The following BTAF1 variants were observed in gnomAD, a reference collection of about 807,000 sequenced individuals.
BTAF1 encodes the protein TATA-binding protein-associated factor 172.
BTAF1 carries 38 observed loss-of-function variants against 227.1 expected under a neutral mutation model. The observed-to-expected ratio is 0.17, with a 90% confidence interval of 0.13 to 0.22. The LOEUF is 0.22. Among genes scored for constraint, BTAF1 ranks in the 10% least tolerant of loss-of-function variants. The pLI, the probability that BTAF1 is intolerant of heterozygous loss-of-function variation, is 1.00. For synonymous variants in BTAF1, 742 were observed against 751.9 expected (o/e 0.99, Z 0.21); for missense variants, 1,598 against 2,204.0 (o/e 0.73, Z 5.51).
Position 92,014,049 on chromosome 10 carries a change from T to A in BTAF1, c.4584+20T>A, listed in dbSNP as rs535069257. On this transcript the variant is annotated intron_variant, in intron 32 of 37. Transcript: ENST00000265990. Reference sequence around the variant, plus strand: ...CTCCAGGTTAGGAATCTCGTGTTTATCATTGTTAGTGGTATGTTTATTAGC... The same window carrying A: ...CTCCAGGTTAGGAATCTCGTGTTTAACATTGTTAGTGGTATGTTTATTAGC... 5.0e-6 allele frequency: 8 copies of A among 1,601,022 alleles called. No individual in the cohort carries two copies. In the South Asian group the frequency reaches 5.7e-5, roughly 11 times the overall value.
rs769267391 is a variant in BTAF1, at chr10:91,982,686, C to T, written c.2148C>T (p.Phe716=). 3.1e-5 allele frequency: 50 copies of T among 1,613,904 alleles called. No homozygotes were observed. In the South Asian group the frequency reaches 4.9e-4, roughly 16 times the overall value. ...AATCCCTGGGCCAGTTACTACTCTT[C>T]CATTTGAACTCCAAGTCTGCTTTAC... is the stretch of plus-strand genomic sequence containing the variant. ...PAESLGQLLL[F]HLNSKSALQR... is the part of the protein sequence containing the mutation. The change falls in exon 18 of 38, where the codon TTC becomes TTT. Residue 716 remains phenylalanine (F), a synonymous_variant. Coordinates refer to ENST00000265990, the MANE Select transcript of BTAF1 (RefSeq NM_003972.3).
At chr10:91,967,241 A>G (rs1481046798) in intron 14 of BTAF1, among the ~76,000 whole-genome samples, 2 of 152,206 alleles carry the variant, frequency 1.3e-5, no homozygotes, top group Non-Finnish European at 2.9e-5. Flanking sequence ...CAAGGATAGT[A>G]TACTTCAGGA....
At chr10:92,008,778 GA>G in intron 26 of BTAF1, 50 bp from the exon 27 acceptor site, 1 of 1,474,998 alleles carries the variant, frequency 6.8e-7, no homozygotes, top group Non-Finnish European at 9.1e-7. Context: ...GTTTTTATAA[GA>G]AAAAATAAAT....
Position 91,934,799 on chromosome 10 carries a change from G to A in BTAF1, c.15-858G>A, listed in dbSNP as rs138916078. ...GTTGTGTTCTTGTTTTCCTTCTTCC[G>A]GGTATTTCTTCCCCTTTCCCTTTCA... is the stretch of plus-strand genomic sequence containing the variant. On this transcript the variant is annotated intron_variant, in intron 1 of 37. Transcript: ENST00000265990. Among the ~76,000 whole-genome samples the A allele has an allele frequency of 5.3e-5, 8 of 151,998 alleles. No homozygotes were observed. In the East Asian group the frequency reaches 1.4e-3, roughly 26 times the overall value.
intron 5 of BTAF1, among the ~76,000 whole-genome samples, chr10:91,952,953 C>T (rs761056917): frequency 1.3e-5 from 2 of 152,026 alleles, no homozygotes; most frequent in African/African-American, 2.4e-5. Context: ...TAATTGGGTG[C>T]GGGATAGGCA....
chr10:91,926,758 CCT>C (rs1037863929), intron 1 of BTAF1, among the ~76,000 whole-genome samples: 16 of 152,152 alleles, frequency 1.1e-4, no homozygotes, highest in African/African-American at 3.9e-4. Context: ...AAGACAGGAG[CCT>C]CTCTCCTTTT....
At chr10:92,022,720 T>C (rs1368066166) in intron 34 of BTAF1, among the ~76,000 whole-genome samples, 1 of 152,126 alleles carries the variant, frequency 6.6e-6, no homozygotes, top group East Asian at 1.9e-4. Flanking sequence ...GCCCAGCCAA[T>C]ATACATTATT....
At chr10:92,027,356 T>A in intron 37 of BTAF1, 56 bp downstream of exon 37, 2 of 1,485,374 alleles carry the variant, frequency 1.3e-6, no homozygotes, top group Non-Finnish European at 1.8e-6. Flanking sequence ...CTGTGACTGC[T>A]AAGTTGAAAG....
intron 32 of BTAF1, 51 bp from the exon 33 acceptor site, chr10:92,016,289 C>G (rs777399274): frequency 3.2e-6 from 5 of 1,551,910 alleles, no homozygotes; most frequent in Non-Finnish European, 4.3e-6. Flanking sequence ...GTGTTTTGAA[C>G]AATTGAAAAT....
intron 33 of BTAF1, among the ~76,000 whole-genome samples, chr10:92,017,101 C>T (rs924401863): frequency 3.3e-5 from 5 of 152,166 alleles, no homozygotes; most frequent in African/African-American, 1.2e-4. Context: ...ATAAAACAGA[C>T]TCCTTCCCTT....
At chr10:91,935,831 C>A in intron 2 of BTAF1, 51 bp downstream of exon 2, 1 of 1,415,848 alleles carries the variant, frequency 7.1e-7, no homozygotes, top group South Asian at 1.5e-5. Flanking sequence ...GAGACTTATT[C>A]ATGGATAGGA....
At chr10:92,003,117 C>G (rs1008151666) in intron 25 of BTAF1, among the ~76,000 whole-genome samples, 1 of 148,694 alleles carries the variant, frequency 6.7e-6, no homozygotes, top group Admixed American at 6.7e-5. Context: ...GATGGGGCCA[C>G]TGCACTCCAG....
At chr10:91,967,391 G>A (rs939776191) in intron 14 of BTAF1, among the ~76,000 whole-genome samples, 14 of 152,098 alleles carry the variant, frequency 9.2e-5, no homozygotes, top group African/African-American at 3.1e-4. Flanking sequence ...GTCAAACAAA[G>A]TACCTAGATT....
chr10:92,029,958 G>A lies in BTAF1; in HGVS notation c.*1025G>A, dbSNP rs1564730529. ...GGGCAGCAATAATAATTGGGCATGA[G>A]GCTGATTACTCAATGGTGAGGGTAG... On this transcript the variant is annotated 3_prime_UTR_variant, in exon 38 of 38. Coordinates refer to ENST00000265990, the MANE Select transcript of BTAF1 (RefSeq NM_003972.3). 6.6e-6 allele frequency: 1 copy of A among 152,538 alleles called. No individual in the cohort carries two copies. Among genetic ancestry groups the A allele is most frequent in the South Asian group, 2.1e-4 (1 of 4,834 alleles). The allele number at this position is 152,538 out of a possible 1,614,324, so 9.4% of individuals were successfully genotyped here. A position where few individuals can be genotyped will look rare whatever the true frequency, so the allele number is the denominator to read the frequency against.
chr10:92,027,171 A>G lies in BTAF1; in HGVS notation c.5277A>G (p.Thr1759=), dbSNP rs758273316. 2 of 1,613,980 alleles carry G rather than the reference A, an allele frequency of 1.2e-6. No homozygotes were observed. Among genetic ancestry groups the G allele is most frequent in the Non-Finnish European group, 8.5e-7 (1 of 1,179,948 alleles). The change falls in exon 37 of 38, where the codon ACA becomes ACG. Residue 1759 remains threonine, a synonymous_variant. Coordinates refer to ENST00000265990, the MANE Select transcript of BTAF1 (RefSeq NM_003972.3). Reference sequence around the variant, plus strand: ...TATACCGATTGATAACCAGAGGAACATTGGAAGAAAAAATAATGGGGTTGC... The same window carrying G: ...TATACCGATTGATAACCAGAGGAACGTTGGAAGAAAAAATAATGGGGTTGC... ...VNVYRLITRG[T]LEEKIMGLQK... is the part of the protein sequence containing the mutation.
chr10:92,028,958 G>A lies in BTAF1; in HGVS notation c.*25G>A. 1 of 1,552,766 alleles carries A rather than the reference G, an allele frequency of 6.4e-7. No individual in the cohort carries two copies. Among genetic ancestry groups the A allele is most frequent in the Non-Finnish European group, 8.7e-7 (1 of 1,152,454 alleles). Reference sequence around the variant, plus strand: ...ACTATCAAATATTGTAAATGCAATTGCTGCTAGTTCAGTTACATTTCTGCT... The same window carrying A: ...ACTATCAAATATTGTAAATGCAATTACTGCTAGTTCAGTTACATTTCTGCT... On this transcript the variant is annotated 3_prime_UTR_variant, in exon 38 of 38. Transcript: ENST00000265990.
intron 19 of BTAF1, among the ~76,000 whole-genome samples, chr10:91,987,526 C>T (rs1010379269): frequency 6.6e-6 from 1 of 151,954 alleles, no homozygotes; most frequent in Non-Finnish European, 1.5e-5. Flanking sequence ...TCTCTATTTC[C>T]ATTATCAGAG....
At chr10:91,924,732 A>G (rs760694061) in intron 1 of BTAF1, among the ~76,000 whole-genome samples, 4 of 152,250 alleles carry the variant, frequency 2.6e-5, no homozygotes, top group Admixed American at 6.5e-5. Context: ...GTCAACAGGA[A>G]AGCCCAGGAA....
chr10:91,989,645 T>G (rs943324409), intron 20 of BTAF1, 65 bp downstream of exon 20: 1 of 1,408,488 alleles, frequency 7.1e-7, no homozygotes, highest in Non-Finnish European at 9.6e-7. Flanking sequence ...TGTTTACTTA[T>G]GGGTATAATT....
Sources: gnomAD v4.1 joint callset for allele counts (sites outside exome capture counted in the v4.1 genomes callset) on GRCh38, gnomAD v4.1.1 for gene constraint, MANE v1.5 for transcripts, NCBI Gene and HGNC (gene_info 2026-07-23, HGNC 2026-07-21) for gene names.